The following ATP7A variants were observed in gnomAD, a reference collection of about 807,000 sequenced individuals.
The protein encoded by ATP7A is ATPase copper transporting alpha.
In ATP7A, 7 loss-of-function variants were observed where a neutral mutation model predicts 83.5. The ratio of observed to expected loss-of-function variants is 0.08; its 90% confidence interval spans 0.05 to 0.16. ATP7A has a LOEUF of 0.16. ATP7A is among the 10% of genes least tolerant of loss of function. ATP7A has a pLI of 1.00. For synonymous variants in ATP7A, 354 were observed against 395.2 expected, an observed-to-expected ratio of 0.90 and a Z score of 1.24; for missense variants, 940 against 1,120.8, an observed-to-expected ratio of 0.84 and a Z score of 2.30.
chrX:77,969,673 A>C (rs1238423049), intron 1 of ATP7A: 4 of 1,205,616 alleles, frequency 3.3e-6, no homozygotes, highest in Non-Finnish European at 4.5e-6. Flanking sequence ...TACCATTTGA[A>C]GTAAAAGGTA....
At chrX:77,972,910 G>A in intron 2 of ATP7A, among the ~76,000 whole-genome samples, 1 of 108,164 alleles carries the variant, frequency 9.2e-6, no homozygotes, top group East Asian at 2.9e-4. Flanking sequence ...CTCTATTGTT[G>A]TTTAACATTA....
chrX:77,923,941 C>T (rs2077229041), intron 1 of ATP7A: 1 of 111,857 alleles, frequency 8.9e-6, no homozygotes, highest in Non-Finnish European at 1.9e-5. Flanking sequence ...TATAGCTTGA[C>T]TCCCTACAAT....
Position 78,046,300 on chromosome X carries a change from G to A in ATP7A, c.4233G>A (p.Arg1411=). 8.3e-7 allele frequency: 1 copy of A among 1,211,659 alleles called. No homozygotes were observed. The highest frequency in any genetic ancestry group is 1.1e-6 in the Non-Finnish European group (1 of 895,395). ...VLSSLFLKLY[R]KPTYESYELP... is the part of the protein sequence containing the mutation. Reference sequence around the variant, plus strand: ...TACTTTTGCATATGTCCAGTTACAGGAAACCAACTTACGAGAGTTATGAAC... The same window carrying A: ...TACTTTTGCATATGTCCAGTTACAGAAAACCAACTTACGAGAGTTATGAAC... Residue 1411 remains arginine (R), a synonymous_variant, in exon 23 of 23, where the codon AGG becomes AGA. Transcript: ENST00000341514.
intron 1 of ATP7A, among the ~76,000 whole-genome samples, chrX:77,955,759 A>C (rs1557227274): frequency 9.0e-6 from 1 of 110,655 alleles, no homozygotes; most frequent in African/African-American, 3.3e-5. Context: ...CTTCTATCTA[A>C]ATGTGACCTT....
intron 1 of ATP7A, chrX:77,968,833 A>C (rs190235986): frequency 4.7e-4 from 567 of 1,207,516 alleles, no homozygotes; most frequent in Middle Eastern, 6.4e-4. Context: ...CAAGACCAGC[A>C]GGGAGGGTGC....
Position 78,048,802 on chromosome X carries a change from T to C in ATP7A, c.*2232T>C, listed in dbSNP as rs1350682094. On this transcript the variant is annotated 3_prime_UTR_variant, in exon 23 of 23. Coordinates refer to ENST00000341514, the MANE Select transcript of ATP7A (RefSeq NM_000052.7). ...ATCTTATAATACAACTTGTTTCTTC[T>C]AGAAGACAGAGCTGATAGGGTAAAT... is the stretch of plus-strand genomic sequence containing the variant. 2 of 111,275 alleles carry C rather than the reference T, an allele frequency of 1.8e-5. No homozygotes were observed. Among genetic ancestry groups the C allele is most frequent in the Admixed American group, 9.7e-5 (1 of 10,339 alleles). The allele number at this position is 111,275 out of a possible 1,213,427, so 9.2% of individuals were successfully genotyped here. A position where few individuals can be genotyped will look rare whatever the true frequency, so the allele number is the denominator to read the frequency against.
chrX:77,985,279 T>A (rs916904533), intron 2 of ATP7A, among the ~76,000 whole-genome samples: 2 of 109,809 alleles, frequency 1.8e-5, no homozygotes, highest in Non-Finnish European at 3.8e-5. Flanking sequence ...CACCTCAGCA[T>A]CCCAAAGTGC....
At chrX:77,950,857 A>C (rs1345479573) in intron 1 of ATP7A, among the ~76,000 whole-genome samples, 1 of 110,141 alleles carries the variant, frequency 9.1e-6, no homozygotes, top group Non-Finnish European at 1.9e-5. Context: ...CCCTGTCTCT[A>C]CTAAAAATAC....
chrX:77,976,130 A>G (rs1351299781), intron 2 of ATP7A, among the ~76,000 whole-genome samples: 3 of 112,170 alleles, frequency 2.7e-5, no homozygotes, highest in African/African-American at 9.7e-5. Context: ...AGATGTTAAT[A>G]TCATAATGAA....
At chrX:78,013,725 G>A (rs1173641920) in intron 10 of ATP7A, among the ~76,000 whole-genome samples, 1 of 111,549 alleles carries the variant, frequency 9.0e-6, no homozygotes, top group Non-Finnish European at 1.9e-5. Context: ...TTTCCATTGA[G>A]CTAATATCTT....
rs782536057 is a variant in ATP7A, at chrX:78,047,118, C to T, written c.*548C>T. On this transcript the variant is annotated 3_prime_UTR_variant, in exon 23 of 23. Transcript: ENST00000341514. ...GCCTTATTTATTGCAGGCTTTCTTTCCCCCATTCTCCCTGCATCCTTGTCC... is the reference window on the plus strand; with the variant it reads ...GCCTTATTTATTGCAGGCTTTCTTTTCCCCATTCTCCCTGCATCCTTGTCC... 2.1e-4 allele frequency: 24 copies of T among 112,632 alleles called. No individual in the cohort carries two copies. The highest frequency in any genetic ancestry group is 7.8e-4 in the African/African-American group (24 of 30,791). 9.3% of individuals were successfully genotyped at this position (112,632 alleles called of 1,213,427 possible).
chrX:78,002,780 C>G (rs373811729), intron 5 of ATP7A, among the ~76,000 whole-genome samples: 72 of 97,948 alleles, frequency 7.4e-4, no homozygotes, highest in African/African-American at 2.7e-3. Flanking sequence ...ATAGGTACGT[C>G]AAGTTTATTA....
Position 78,002,223 on chromosome X carries a change from C to T in ATP7A, c.1544-850C>T, listed in dbSNP as rs189826187. Among the ~76,000 whole-genome samples, 522 of 108,345 alleles carry T rather than the reference C, an allele frequency of 4.8e-3. 3 individuals carry two copies. Among genetic ancestry groups the T allele is most frequent in the African/African-American group, 0.017 (493 of 29,839 alleles). The allele number at this position is 108,345 out of a possible 115,157, so 94.1% of individuals were successfully genotyped here. The stretch of plus-strand genomic sequence containing the variant: ...TAACTGAGACCACAGGCATGCACCA[C>T]CATGCCCAGCTAATTTTTGTATTTT... On this transcript the variant is annotated intron_variant, in intron 5 of 22. Coordinates refer to ENST00000341514, the MANE Select transcript of ATP7A (RefSeq NM_000052.7).
chrX:77,990,508 C>A (rs2077663449), intron 4 of ATP7A, among the ~76,000 whole-genome samples: 1 of 111,264 alleles, frequency 9.0e-6, no homozygotes, highest in Non-Finnish European at 1.9e-5. Context: ...ATGTATGTAG[C>A]TATGTATTTA....
intron 15 of ATP7A, 77 bp from the exon 16 acceptor site, chrX:78,031,323 C>T (rs1441630681): frequency 2.0e-6 from 2 of 1,019,925 alleles, no homozygotes; most frequent in Non-Finnish European, 2.8e-6. Flanking sequence ...ATCTCTTTGT[C>T]AAAACAGACC....
At chrX:77,955,346 T>C (rs2077435111) in intron 1 of ATP7A, among the ~76,000 whole-genome samples, 1 of 111,889 alleles carries the variant, frequency 8.9e-6, no homozygotes, top group Non-Finnish European at 1.9e-5. Context: ...TATTAGATGG[T>C]ATCAAACTAT....
intron 1 of ATP7A, chrX:77,962,491 C>T: frequency 8.4e-6 from 2 of 237,984 alleles, no homozygotes; most frequent in South Asian, 9.8e-5. Context: ...GCGTTTTGTC[C>T]AATTCTTTGT....
At chrX:78,044,030 G>A (rs181569542) in intron 21 of ATP7A, among the ~76,000 whole-genome samples, 42 of 106,319 alleles carry the variant, frequency 4.0e-4, no homozygotes, top group Non-Finnish European at 5.8e-4. Context: ...TGAGGTGGGC[G>A]GATCACCTGA....
chrX:77,978,127 G>A (rs2077586216), intron 2 of ATP7A, among the ~76,000 whole-genome samples: 2 of 111,277 alleles, frequency 1.8e-5, no homozygotes, highest in Admixed American at 1.9e-4. Flanking sequence ...CAAGGCCATT[G>A]TCCATTTCTA....
Sources: gnomAD v4.1 joint callset for allele counts (sites outside exome capture counted in the v4.1 genomes callset) on GRCh38, gnomAD v4.1.1 for gene constraint, MANE v1.5 for transcripts, NCBI Gene and HGNC (gene_info 2026-07-23, HGNC 2026-07-21) for gene names.